RIN3: variants seen among roughly 807,000 people sequenced by gnomAD.
The protein encoded by RIN3 is Ras and Rab interactor 3.
RIN3 carries 54 observed loss-of-function variants against 76.3 expected under a neutral mutation model. The observed-to-expected ratio is 0.71, with a 90% confidence interval of 0.57 to 0.89. The LOEUF is 0.89. RIN3 is among the 40% of genes least tolerant of loss of function. The probability of loss-of-function intolerance (pLI) is 0.00; values close to 1 mark genes in which losing one functional copy is unlikely to be tolerated. For missense variants in RIN3, 1,256 were observed against 1,322.1 expected (o/e 0.95, Z 0.78); for synonymous variants, 576 against 564.0 (o/e 1.02, Z -0.30).
chr14:92,629,591 T>C (rs1301066130), intron 4 of RIN3, among the ~76,000 whole-genome samples: 1 of 152,226 alleles, frequency 6.6e-6, no homozygotes, highest in African/African-American at 2.4e-5. Context: ...CGAACTGGCC[T>C]TACGTTCCCT....
chr14:92,583,824 G>A (rs1026666512), intron 3 of RIN3, among the ~76,000 whole-genome samples: 2 of 152,178 alleles, frequency 1.3e-5, no homozygotes, highest in Non-Finnish European at 2.9e-5. Flanking sequence ...GATGGTTTCT[G>A]GGTGAAACTG....
intron 4 of RIN3, among the ~76,000 whole-genome samples, chr14:92,625,873 T>C (rs1886335206): frequency 6.6e-6 from 1 of 152,200 alleles, no homozygotes; most frequent in Admixed American, 6.5e-5. Context: ...CACATATACT[T>C]TTTGGGCTTC....
In RIN3 at chr14:92,652,478, C is replaced by A; in HGVS notation, c.1429C>A (p.Pro477Thr). 2 of 1,614,078 alleles carry A rather than the reference C, an allele frequency of 1.2e-6. No homozygotes were observed. The highest frequency in any genetic ancestry group is 2.2e-5 in the South Asian group (2 of 91,084). ...SRQLASTLPA[P>T]LENAELCTQA... is the part of the protein sequence containing the mutation. ...ACAACTGGCCTCGACCCTCCCAGCT[C>A]CCTTAGAGAACGCTGAGCTCTGCAC... The change falls in exon 6 of 10, where the codon CCC (proline) becomes ACC (threonine). Residue 477 changes from proline to threonine, a missense_variant. Physicochemically the swap from Pro to Thr is conservative, Grantham distance 38. Transcript: ENST00000216487. The surrounding 1 kb of genome is among the most constrained non-coding windows in gnomAD (Gnocchi z 6.4).
chr14:92,676,663 C>T, intron 8 of RIN3, 57 bp downstream of exon 8: 1 of 1,583,738 alleles, frequency 6.3e-7, no homozygotes, highest in Non-Finnish European at 8.6e-7. Context: ...TCAGCCACGC[C>T]ACGGGCACTC....
chr14:92,585,815 C>T (rs982657378), intron 3 of RIN3, among the ~76,000 whole-genome samples: 1 of 152,084 alleles, frequency 6.6e-6, no homozygotes, highest in African/African-American at 2.4e-5. Context: ...GACAGGGTTT[C>T]ATCATGTTGT....
intron 1 of RIN3, among the ~76,000 whole-genome samples, chr14:92,516,262 G>A (rs1401865500): frequency 1.3e-5 from 2 of 152,204 alleles, no homozygotes; most frequent in African/African-American, 4.8e-5. Flanking sequence ...AAGGGGAAAT[G>A]GGTTCCCTGG....
At chr14:92,537,953 C>T (rs1897044374) in intron 1 of RIN3, among the ~76,000 whole-genome samples, 2 of 152,096 alleles carry the variant, frequency 1.3e-5, no homozygotes, top group Admixed American at 6.5e-5. Flanking sequence ...TCCTCTGCCT[C>T]AGCCCCCCAA....
At chr14:92,602,247 G>T (rs895897095) in intron 3 of RIN3, among the ~76,000 whole-genome samples, 2 of 152,238 alleles carry the variant, frequency 1.3e-5, no homozygotes, top group Non-Finnish European at 1.5e-5. Flanking sequence ...TGTGCCCAGT[G>T]CCCAGGCCAG....
chr14:92,532,672 G>T (rs1202462776), intron 1 of RIN3, among the ~76,000 whole-genome samples: 1 of 152,222 alleles, frequency 6.6e-6, no homozygotes. Context: ...TGAGTAAGCA[G>T]CAGGCAGGAC....
In RIN3 at chr14:92,688,270, T is replaced by C. The variant is rs1019794960; in HGVS notation, c.*18T>C. 6.5e-7 allele frequency: 1 copy of C among 1,538,910 alleles called. No individual in the cohort carries two copies. The highest frequency in any genetic ancestry group is 8.7e-7 in the Non-Finnish European group (1 of 1,144,528). ...TCCTGTGAGGCCCTCCCGGGGCGCC[T>C]CCCCTCACCCCCAGGCGCACGTCTG... On this transcript the variant is annotated 3_prime_UTR_variant, in exon 10 of 10. Coordinates refer to ENST00000216487, the MANE Select transcript of RIN3 (RefSeq NM_024832.5).
At chr14:92,670,492 T>G (rs1888253701) in intron 7 of RIN3, among the ~76,000 whole-genome samples, 1 of 152,102 alleles carries the variant, frequency 6.6e-6, no homozygotes, top group Non-Finnish European at 1.5e-5. Flanking sequence ...GAGCCTGGGG[T>G]TCCAGGCTGC....
At chr14:92,574,572 G>T (rs531445883) in intron 2 of RIN3, among the ~76,000 whole-genome samples, 4 of 152,288 alleles carry the variant, frequency 2.6e-5, no homozygotes, top group South Asian at 4.1e-4. Context: ...AAAAAGAAAT[G>T]ATTTGGGGGC....
intron 1 of RIN3, among the ~76,000 whole-genome samples, chr14:92,535,964 G>A (rs1896991244): frequency 6.6e-6 from 1 of 151,918 alleles, no homozygotes; most frequent in East Asian, 1.9e-4. Context: ...ATACCCAGTT[G>A]TTCAACACCC....
chr14:92,647,890 C>T (rs929851199), intron 5 of RIN3, among the ~76,000 whole-genome samples: 2 of 152,114 alleles, frequency 1.3e-5, no homozygotes, highest in African/African-American at 4.8e-5. Context: ...CCAGCAAAAT[C>T]GTGGCCTCAG....
chr14:92,623,129 C>G lies in RIN3; in HGVS notation c.440+7650C>G, dbSNP rs1222138281. On this transcript the variant is annotated intron_variant, in intron 4 of 9. Coordinates refer to ENST00000216487, the MANE Select transcript of RIN3 (RefSeq NM_024832.5). This position sits in a 1 kb window ranked among gnomAD's most constrained non-coding sequence, Gnocchi z 4.9. Reference sequence around the variant, plus strand: ...CATGAGTCCTTTCCATTTACCAAACCATTGCCCTAACCATCCTGTGAAAGG... The same window carrying G: ...CATGAGTCCTTTCCATTTACCAAACGATTGCCCTAACCATCCTGTGAAAGG... 6.6e-6 allele frequency among the ~76,000 whole-genome samples: 1 copy of G among 152,208 alleles called. No individual in the cohort carries two copies. The highest frequency in any genetic ancestry group is 2.4e-5 in the African/African-American group (1 of 41,434).
chr14:92,677,972 C>T (rs1257771913), intron 8 of RIN3, among the ~76,000 whole-genome samples: 1 of 151,634 alleles, frequency 6.6e-6, no homozygotes, highest in African/African-American at 2.4e-5. Flanking sequence ...CGTATTCACC[C>T]ACCCACCCAT....
intron 1 of RIN3, among the ~76,000 whole-genome samples, chr14:92,530,149 A>G (rs1037887651): frequency 1.3e-5 from 2 of 152,168 alleles, no homozygotes; most frequent in Non-Finnish European, 2.9e-5. Context: ...TCTCCCCTGC[A>G]CTGTGCACAC....
intron 4 of RIN3, among the ~76,000 whole-genome samples, chr14:92,622,337 C>G (rs1049149192): frequency 2.6e-5 from 4 of 152,122 alleles, no homozygotes; most frequent in African/African-American, 9.7e-5. Context: ...GCATGTGTTC[C>G]CTCCAGAGCC....
rs185442987 is a variant in RIN3 at position 92,594,213 on chromosome 14, A to C, written c.367+16736A>C. 4.8e-3 allele frequency among the ~76,000 whole-genome samples: 727 copies of C among 152,238 alleles called. 4 individuals are homozygous for C. The highest frequency in any genetic ancestry group is 5.6e-3 in the Non-Finnish European group (378 of 68,012). On this transcript the variant is annotated intron_variant, in intron 3 of 9. Transcript: ENST00000216487. ...TTTGGGAGGCCAAGGCGGGCAGATC[A>C]CCTGAGGTCGGGAGTTTGAGACCAC...
Sources: allele counts gnomAD v4.1 joint callset (sites outside exome capture counted in the v4.1 genomes callset), GRCh38; gene constraint gnomAD v4.1.1; non-coding constraint Gnocchi (gnomAD v3.1); transcripts MANE v1.5; gene names NCBI Gene and HGNC (gene_info 2026-07-23, HGNC 2026-07-21).